The following TRAPPC9 variants were observed in gnomAD, a reference collection of about 807,000 sequenced individuals.
The protein encoded by TRAPPC9 is trafficking protein particle complex subunit 9, also known as IKK2 binding protein.
TRAPPC9 carries 83 observed loss-of-function variants against 124.0 expected under a neutral mutation model. That is an observed-to-expected ratio of 0.67 (90% CI 0.56 to 0.80). The LOEUF is 0.80. TRAPPC9 is among the 30% of genes least tolerant of loss of function. TRAPPC9 has a pLI of 0.00. For missense variants in TRAPPC9, 1,302 were observed against 1,508.3 expected (o/e 0.86, Z 2.27); for synonymous variants, 638 against 617.5 (o/e 1.03, Z -0.49).
In TRAPPC9 at chr8:140,353,102, G is replaced by C. The variant is rs957725165; in HGVS notation, c.1495+6948C>G. 6.6e-6 allele frequency among the ~76,000 whole-genome samples: 1 copy of C among 152,138 alleles called. No individual in the cohort carries two copies. Among genetic ancestry groups the C allele is most frequent in the Non-Finnish European group, 1.5e-5 (1 of 68,032 alleles). ...CCCAGAGGCCTCCAGAAAGACACTG[G>C]ACCACAGTAGAAGAGGTAAACCAAA... On this transcript the variant is annotated intron_variant, in intron 9 of 22. Transcript: ENST00000438773. The surrounding 1 kb of genome is among the most constrained non-coding windows in gnomAD (Gnocchi z 4.2).
intron 15 of TRAPPC9, among the ~76,000 whole-genome samples, chr8:140,259,058 C>T (rs1001982070): frequency 1.3e-5 from 2 of 152,354 alleles, no homozygotes; most frequent in South Asian, 2.1e-4. Context: ...GGCTCTCAGG[C>T]TCATCTCCGG....
intron 18 of TRAPPC9, among the ~76,000 whole-genome samples, chr8:140,009,616 C>G (rs1838985435): frequency 6.6e-6 from 1 of 152,174 alleles, no homozygotes. Flanking sequence ...CTGAGGATAT[C>G]CAGAACCTGA....
At position 139,732,018 on chromosome 8, in the gene TRAPPC9, G is replaced by A. The variant is rs746376660; in HGVS notation, c.3240C>T (p.Thr1080=). The change falls in exon 22 of 23, where the codon ACC becomes ACT. Residue 1080 remains threonine (T), a synonymous_variant. Coordinates refer to ENST00000438773, the MANE Select transcript of TRAPPC9 (RefSeq NM_001160372.4). The part of the protein sequence containing the change: ...NGVHNYDLHD[T]VSFVGSSTFY... ...AGGTGCTGGAGCCCACGAAGGAGAC[G>A]GTGTCGTGCAGGTCGTAGTTGTGCA... 2.5e-5 allele frequency: 40 copies of A among 1,599,586 alleles called. No homozygotes were observed. Among genetic ancestry groups the A allele is most frequent in the South Asian group, 7.9e-5 (7 of 88,466 alleles).
At chr8:140,385,120 A>G (rs1339060658) in intron 7 of TRAPPC9, among the ~76,000 whole-genome samples, 1 of 152,234 alleles carries the variant, frequency 6.6e-6, no homozygotes, top group East Asian at 1.9e-4. Context: ...TTTGAAACCA[A>G]TGAGAACAAA....
In TRAPPC9 at chr8:139,907,595, G is replaced by A. The variant is rs955860148; in HGVS notation, c.2964+2552C>T. On this transcript the variant is annotated intron_variant, in intron 20 of 22. Coordinates refer to ENST00000438773, the MANE Select transcript of TRAPPC9 (RefSeq NM_001160372.4). This position sits in a 1 kb window ranked among gnomAD's most constrained non-coding sequence, Gnocchi z 4.7. ...AGGGAGGGAGGGAGGGAGGGATGAT[G>A]TCCTTAATGTTAACTCTCTTTCACT... Among the ~76,000 whole-genome samples, 5 of 151,250 alleles carry A rather than the reference G, an allele frequency of 3.3e-5. No individual in the cohort carries two copies. The highest frequency in any genetic ancestry group is 6.6e-5 in the Admixed American group (1 of 15,190).
intron 17 of TRAPPC9, among the ~76,000 whole-genome samples, chr8:140,049,765 G>A (rs1841864744): frequency 6.6e-6 from 1 of 152,192 alleles, no homozygotes; most frequent in Non-Finnish European, 1.5e-5. Context: ...GTATCCCACA[G>A]GGCAGGCACT....
chr8:140,458,106 G>A (rs543608651), upstream of TRAPPC9, among the ~76,000 whole-genome samples: 763 of 115,996 alleles, frequency 6.6e-3, 19 homozygotes, highest in African/African-American at 0.024. Flanking sequence ...GAGGAGGGAG[G>A]GAAAAAGGAG....
chr8:139,779,609 A>C (rs575010550), intron 21 of TRAPPC9, among the ~76,000 whole-genome samples: 29 of 152,308 alleles, frequency 1.9e-4, no homozygotes, highest in Non-Finnish European at 3.7e-4. Flanking sequence ...TACAGTATAC[A>C]CGAAGATGTA....
intron 19 of TRAPPC9, among the ~76,000 whole-genome samples, chr8:139,924,457 A>G (rs548542176): frequency 9.2e-5 from 14 of 152,302 alleles, no homozygotes; most frequent in African/African-American, 3.4e-4. Context: ...CCCTGGGCCC[A>G]TGGACCTCTG....
At chr8:139,914,450 C>T (rs1343072531) in intron 19 of TRAPPC9, among the ~76,000 whole-genome samples, 1 of 152,230 alleles carries the variant, frequency 6.6e-6, no homozygotes, top group Admixed American at 6.5e-5. Context: ...GTGGCCTGTC[C>T]ATCGTGGTAG....
At chr8:139,921,509 G>T (rs766467904) in intron 19 of TRAPPC9, among the ~76,000 whole-genome samples, 4 of 152,160 alleles carry the variant, frequency 2.6e-5, no homozygotes, top group Non-Finnish European at 4.4e-5. Context: ...CATGTTAGAG[G>T]AGTATGCAGT....
At chr8:139,761,279 G>A (rs1820200309) in intron 21 of TRAPPC9, among the ~76,000 whole-genome samples, 1 of 152,158 alleles carries the variant, frequency 6.6e-6, no homozygotes, top group African/African-American at 2.4e-5. Context: ...ATAGGGTGCA[G>A]GGCAAGAGCA....
intron 20 of TRAPPC9, among the ~76,000 whole-genome samples, chr8:139,905,603 G>A (rs1245682411): frequency 2.0e-5 from 3 of 152,146 alleles, no homozygotes; most frequent in African/African-American, 7.2e-5. Context: ...GGGACTGGTG[G>A]GAGAATGGTA....
At chr8:140,267,167 G>A (rs934840719) in intron 15 of TRAPPC9, among the ~76,000 whole-genome samples, 1 of 152,236 alleles carries the variant, frequency 6.6e-6, no homozygotes, top group African/African-American at 2.4e-5. Flanking sequence ...GAGTGAAGAT[G>A]TGTGCAGAGA....
In TRAPPC9 at chr8:140,101,544, T is replaced by G. The variant is rs1023027525; in HGVS notation, c.2557-77465A>C. Among the ~76,000 whole-genome samples the G allele has an allele frequency of 2.6e-4, 36 of 137,026 alleles. 2 individuals are homozygous for G. The highest frequency in any genetic ancestry group is 4.3e-4 in the Admixed American group (6 of 13,990). The allele number at this position is 137,026 out of a possible 152,430, so 89.9% of individuals were successfully genotyped here. ...TTTGTAGGGTTTTCTTTTTTTTGTT[T>G]TTTTTTTTTTTTTTTGAGACGTAGT... On this transcript the variant is annotated intron_variant, in intron 17 of 22. Coordinates refer to ENST00000438773, the MANE Select transcript of TRAPPC9 (RefSeq NM_001160372.4).
intron 19 of TRAPPC9, among the ~76,000 whole-genome samples, chr8:139,920,412 G>T (rs1832436800): frequency 6.6e-6 from 1 of 152,186 alleles, no homozygotes; most frequent in Non-Finnish European, 1.5e-5. Context: ...AAGTCTGAAA[G>T]ACCTGGTTTC....
rs907574769 is a variant in TRAPPC9, at chr8:140,008,168, T to G, written c.2699+15769A>C. 5.9e-5 allele frequency among the ~76,000 whole-genome samples: 9 copies of G among 152,350 alleles called. No homozygotes were observed. The South Asian group carries it at 8.3e-4, about 14-fold the overall frequency. On this transcript the variant is annotated intron_variant, in intron 18 of 22. Transcript: ENST00000438773. ...ACAAGACAATAGGTAAGGGATGGGATGAAGCAGATACATTGAATTGTTAAG... is the reference window on the plus strand; with the variant it reads ...ACAAGACAATAGGTAAGGGATGGGAGGAAGCAGATACATTGAATTGTTAAG...
intron 17 of TRAPPC9, among the ~76,000 whole-genome samples, chr8:140,212,090 A>G (rs1442721445): frequency 6.6e-6 from 1 of 152,242 alleles, no homozygotes; most frequent in Non-Finnish European, 1.5e-5. Flanking sequence ...AAGAAGGCCC[A>G]GCCAAGCAAA....
At position 140,257,126 on chromosome 8, in the gene TRAPPC9, C is replaced by T. The variant is rs2064284546; in HGVS notation, c.2279-4197G>A. On this transcript the variant is annotated intron_variant, in intron 15 of 22. Transcript: ENST00000438773. The surrounding 1 kb of genome is among the most constrained non-coding windows in gnomAD (Gnocchi z 4.6). ...ATAGTGCAGAGTAGTTAGCTTACAG[C>T]ATACCCTTAGCTCCTCCCAAAATCT... is the stretch of plus-strand genomic sequence containing the variant. 6.6e-6 allele frequency among the ~76,000 whole-genome samples: 1 copy of T among 152,222 alleles called. No individual in the cohort carries two copies. The highest frequency in any genetic ancestry group is 2.4e-5 in the African/African-American group (1 of 41,460).
Sources: allele counts gnomAD v4.1 joint callset (sites outside exome capture counted in the v4.1 genomes callset), GRCh38; gene constraint gnomAD v4.1.1; non-coding constraint Gnocchi (gnomAD v3.1); transcripts MANE v1.5; gene names NCBI Gene and HGNC (gene_info 2026-07-23, HGNC 2026-07-21).